FALEC: variants seen among roughly 807,000 people sequenced by gnomAD.
FALEC encodes the protein focally amplified lncRNA on chromosome 1.
downstream of FALEC, among the ~76,000 whole-genome samples, chr1:150,519,088 CA>C (rs1670607374): frequency 6.6e-6 from 1 of 152,044 alleles, no homozygotes; most frequent in African/African-American, 2.4e-5. Flanking sequence ...TAAAAGTATG[CA>C]AAACATAAAT....
chr1:150,531,670 T>C, the FALEC span, among the ~76,000 whole-genome samples: 1 of 152,164 alleles, frequency 6.6e-6, no homozygotes, highest in Admixed American at 6.5e-5. Flanking sequence ...CAGCCCCAAA[T>C]GGCCAGAATT....
downstream of FALEC, among the ~76,000 whole-genome samples, chr1:150,519,834 A>C (rs1258555091): frequency 6.6e-6 from 1 of 151,274 alleles, no homozygotes; most frequent in Non-Finnish European, 1.5e-5. Context: ...CCTGGGCAAC[A>C]AGAGCGAAAC....
chr1:150,536,274 T>C, the FALEC span, among the ~76,000 whole-genome samples: 1 of 152,294 alleles, frequency 6.6e-6, no homozygotes, highest in African/African-American at 2.4e-5. Flanking sequence ...CTGTCATCCA[T>C]GTAAGAGCAA....
At chr1:150,526,532 G>GT in the FALEC span, among the ~76,000 whole-genome samples, 6 of 138,712 alleles carry the variant, frequency 4.3e-5, no homozygotes, top group Non-Finnish European at 9.4e-5. Flanking sequence ...ACCTAATGTT[G>GT]TTTTTTTTGA....
At chr1:150,528,842 C>T in the FALEC span, among the ~76,000 whole-genome samples, 2 of 151,616 alleles carry the variant, frequency 1.3e-5, no homozygotes, top group East Asian at 3.9e-4. Context: ...CTGCTTCGGC[C>T]TCCCAAAGTG....
the FALEC span, among the ~76,000 whole-genome samples, chr1:150,527,362 G>A: frequency 4.0e-5 from 6 of 151,548 alleles, no homozygotes; most frequent in South Asian, 4.2e-4. Context: ...GGGTTCAAGC[G>A]AGTCTCCTGC....
the FALEC span, among the ~76,000 whole-genome samples, chr1:150,531,477 AG>A: frequency 1.3e-5 from 2 of 152,174 alleles, no homozygotes; most frequent in East Asian, 3.9e-4. Flanking sequence ...CTCCATCTCA[AG>A]AAAAAAAAAA....
At chr1:150,530,892 C>A in the FALEC span, among the ~76,000 whole-genome samples, 15 of 152,308 alleles carry the variant, frequency 9.8e-5, no homozygotes, top group African/African-American at 3.6e-4. Flanking sequence ...TCATCAGAAG[C>A]CCCTGTTCTG....
the FALEC span, among the ~76,000 whole-genome samples, chr1:150,533,385 G>A: frequency 1.3e-5 from 2 of 149,040 alleles, no homozygotes; most frequent in East Asian, 2.0e-4. Flanking sequence ...GAAACTCTAT[G>A]CTAAATGTTT....
At chr1:150,525,531 T>G in the FALEC span, among the ~76,000 whole-genome samples, 1 of 152,346 alleles carries the variant, frequency 6.6e-6, no homozygotes, top group African/African-American at 2.4e-5. Context: ...ACCACTGCCT[T>G]TTAAATGAAA....
At chr1:150,515,809 A>G in exon 1 of FALEC, 1 of 152,528 alleles carries the variant, frequency 6.6e-6, no homozygotes, top group Non-Finnish European at 1.5e-5. Flanking sequence ...CAGGGGGAAA[A>G]GGCCGGCCCA....
At chr1:150,518,331 A>G (rs1670596540), downstream of FALEC, among the ~76,000 whole-genome samples, 1 of 151,380 alleles carries the variant, frequency 6.6e-6, no homozygotes. Flanking sequence ...TGGGAATATC[A>G]TTCTTCAGTT....
At chr1:150,527,298 GC>G in the FALEC span, among the ~76,000 whole-genome samples, 1 of 148,652 alleles carries the variant, frequency 6.7e-6, no homozygotes, top group African/African-American at 2.5e-5. Context: ...TTGATCTGTT[GC>G]CCAGGCTGGA....
downstream of FALEC, among the ~76,000 whole-genome samples, chr1:150,522,847 C>CTA (rs754182933): frequency 2.3e-4 from 21 of 91,364 alleles, 2 homozygotes; most frequent in African/African-American, 7.3e-4. Flanking sequence ...CTCTCTCTCT[C>CTA]TCTCTATATA....
At chr1:150,536,397 A>G in the FALEC span, among the ~76,000 whole-genome samples, 1 of 152,182 alleles carries the variant, frequency 6.6e-6, no homozygotes, top group African/African-American at 2.4e-5. Context: ...GAGGACCTGG[A>G]ATCTAACCCT....
chr1:150,523,159 A>G, the FALEC span, among the ~76,000 whole-genome samples: 1 of 142,374 alleles, frequency 7.0e-6, no homozygotes, highest in Admixed American at 7.1e-5. Flanking sequence ...GGCTAACTTA[A>G]TTTTTATATT....
At chr1:150,518,947 T>G (rs1670604995), downstream of FALEC, among the ~76,000 whole-genome samples, 1 of 151,896 alleles carries the variant, frequency 6.6e-6, no homozygotes, top group African/African-American at 2.4e-5. Flanking sequence ...TCCCAGCTAT[T>G]TGGGAGGCTG....
chr1:150,523,018 C>T (rs1670677103), downstream of FALEC, among the ~76,000 whole-genome samples: 1 of 97,582 alleles, frequency 1.0e-5, no homozygotes, highest in Non-Finnish European at 2.0e-5. Flanking sequence ...GAGTCTTGCT[C>T]TGTCACCCAG....
chr1:150,527,614 G>C, the FALEC span, among the ~76,000 whole-genome samples: 2 of 152,124 alleles, frequency 1.3e-5, no homozygotes, highest in Admixed American at 1.3e-4. Context: ...TGGGCATGGT[G>C]GCTGGTCTGG....
Sources: gnomAD v4.1 joint callset for allele counts (sites outside exome capture counted in the v4.1 genomes callset) on GRCh38, gnomAD v4.1.1 for gene constraint, MANE v1.5 for transcripts, NCBI Gene and HGNC (gene_info 2026-07-23, HGNC 2026-07-21) for gene names.